CAPN9: variants seen among roughly 807,000 people sequenced by gnomAD.
CAPN9 encodes calpain-9.
CAPN9 carries 81 observed loss-of-function variants against 92.8 expected under a neutral mutation model. That is an observed-to-expected ratio of 0.87 (90% CI 0.73 to 1.05). CAPN9 has a LOEUF of 1.05. Ranked by LOEUF, CAPN9 falls within the 50% of genes least tolerant of loss-of-function variation. The probability of loss-of-function intolerance (pLI) is 0.00; values close to 1 mark genes in which losing one functional copy is unlikely to be tolerated. For missense variants in CAPN9, 848 were observed against 866.2 expected, an observed-to-expected ratio of 0.98 and a Z score of 0.26; for synonymous variants, 304 against 328.0, an observed-to-expected ratio of 0.93 and a Z score of 0.79.
Position 230,767,643 on chromosome 1 carries a change from C to T in CAPN9, c.639C>T (p.Pro213=), listed in dbSNP as rs763721514. ...VAETFQTKEA[P]ENFYEILEKA... ...AGACCTTCCAAACTAAAGAGGCCCC[C>T]GAGAACTTCTATGAGATTCTAGAGA... The change falls in exon 5 of 20, where the codon CCC becomes CCT. Residue 213 remains proline, a synonymous_variant. Transcript: ENST00000271971. 17 of 1,613,800 alleles carry T rather than the reference C, an allele frequency of 1.1e-5. No individual in the cohort carries two copies. Among genetic ancestry groups the T allele is most frequent in the African/African-American group, 2.7e-5 (2 of 74,858 alleles).
intron 1 of CAPN9, among the ~76,000 whole-genome samples, chr1:230,748,259 A>C (rs1386461741): frequency 6.6e-6 from 1 of 152,142 alleles, no homozygotes; most frequent in Non-Finnish European, 1.5e-5. Flanking sequence ...CACCTCTGAC[A>C]GTCTGGAGGT....
At chr1:230,792,398 CAT>C in intron 15 of CAPN9, 26 bp from the exon 16 acceptor site, 3 of 1,603,262 alleles carry the variant, frequency 1.9e-6, no homozygotes, top group Non-Finnish European at 2.6e-6. Flanking sequence ...AAACACTGCT[CAT>C]GTCTCCCTTA....
chr1:230,797,852 A>G (rs28359738), intron 18 of CAPN9, among the ~76,000 whole-genome samples: 1 of 152,126 alleles, frequency 6.6e-6, no homozygotes, highest in Non-Finnish European at 1.5e-5. Context: ...TATGGATTTC[A>G]AGGGCCCTGT....
chr1:230,753,067 A>G (rs1664951834), intron 1 of CAPN9, among the ~76,000 whole-genome samples: 1 of 152,144 alleles, frequency 6.6e-6, no homozygotes. Flanking sequence ...TGTGCTTCCT[A>G]CAGATGAGAG....
chr1:230,770,114 T>A (rs546531765), intron 6 of CAPN9, among the ~76,000 whole-genome samples: 64 of 152,230 alleles, frequency 4.2e-4, no homozygotes, highest in African/African-American at 1.5e-3. Context: ...TACGATTTAT[T>A]GTAAGGCATT....
intron 2 of CAPN9, among the ~76,000 whole-genome samples, chr1:230,756,614 T>A (rs1665242793): frequency 3.3e-5 from 5 of 152,136 alleles, no homozygotes; most frequent in Admixed American, 3.3e-4. Flanking sequence ...CTAAGTGGAT[T>A]TTTTTTCAAC....
chr1:230,754,105 C>T (rs1272669020), intron 1 of CAPN9, among the ~76,000 whole-genome samples: 1 of 150,262 alleles, frequency 6.7e-6, no homozygotes, highest in African/African-American at 2.5e-5. Context: ...AGGGCTGAGG[C>T]AGGCTGGGGG....
intron 9 of CAPN9, among the ~76,000 whole-genome samples, chr1:230,779,855 G>C (rs1667084642): frequency 6.6e-6 from 1 of 151,730 alleles, no homozygotes; most frequent in Non-Finnish European, 1.5e-5. Flanking sequence ...ATACTAAGTG[G>C]AAAAAAAACT....
chr1:230,748,594 A>G (rs1278665154), intron 1 of CAPN9, among the ~76,000 whole-genome samples: 1 of 152,224 alleles, frequency 6.6e-6, no homozygotes, highest in Non-Finnish European at 1.5e-5. Context: ...CCTCACCTGT[A>G]AAATGGGAAC....
intron 6 of CAPN9, among the ~76,000 whole-genome samples, chr1:230,769,581 C>A (rs560680924): frequency 1.3e-5 from 2 of 152,268 alleles, no homozygotes; most frequent in East Asian, 3.9e-4. Flanking sequence ...CACTAGGGAA[C>A]CAAATATATA....
chr1:230,755,414 TA>T lies in CAPN9; in HGVS notation c.283+10del. On this transcript the variant is annotated intron_variant, in intron 2 of 19. Coordinates refer to ENST00000271971, the MANE Select transcript of CAPN9 (RefSeq NM_006615.3). ...TCTGCCAGGGAGAGCTGGGTGAGTG[TA>T]AGTGGATGGAGCATGGCGAGAGGGA... 6.3e-7 allele frequency: 1 copy of T among 1,599,250 alleles called. No individual in the cohort carries two copies. The highest frequency in any genetic ancestry group is 8.5e-7 in the Non-Finnish European group (1 of 1,172,684).
chr1:230,773,563 G>A (rs1471916248), intron 7 of CAPN9, among the ~76,000 whole-genome samples: 1 of 152,156 alleles, frequency 6.6e-6, no homozygotes, highest in African/African-American at 2.4e-5. Context: ...TGATGGGAGG[G>A]GCAGGCGCCA....
chr1:230,793,214 C>T (rs1191109311), intron 17 of CAPN9, among the ~76,000 whole-genome samples: 6 of 152,242 alleles, frequency 3.9e-5, no homozygotes, highest in Non-Finnish European at 5.9e-5. Flanking sequence ...GGCCTCATAG[C>T]CTCTGACCAT....
At chr1:230,779,346 GT>G (rs1225676233) in intron 9 of CAPN9, among the ~76,000 whole-genome samples, 3 of 152,326 alleles carry the variant, frequency 2.0e-5, no homozygotes, top group African/African-American at 4.8e-5. Context: ...TCCATTACAA[GT>G]AATGGAAAGC....
chr1:230,779,167 C>A, intron 9 of CAPN9, 34 bp downstream of exon 9: 1 of 1,603,418 alleles, frequency 6.2e-7, no homozygotes, highest in Non-Finnish European at 8.5e-7. Context: ...CTCTGCCACT[C>A]CCAAGTGTCC....
chr1:230,791,031 T>C (rs28741103), intron 14 of CAPN9, among the ~76,000 whole-genome samples: 2,466 of 152,318 alleles, frequency 0.016, 37 homozygotes, highest in Non-Finnish European at 0.025. Flanking sequence ...TCCAGGTCCA[T>C]CCATGCTGTA....
chr1:230,767,244 C>T (rs1011021164), intron 4 of CAPN9, among the ~76,000 whole-genome samples: 1 of 152,146 alleles, frequency 6.6e-6, no homozygotes, highest in East Asian at 1.9e-4. Flanking sequence ...GCGACTTGGT[C>T]ATTCAGATGG....
Position 230,795,317 on chromosome 1 carries a change from G to A in CAPN9, c.1987+38G>A, listed in dbSNP as rs761930580. The A allele has an allele frequency of 2.4e-6, 3 of 1,266,768 alleles. No individual in the cohort carries two copies. In the South Asian group the frequency reaches 3.6e-5, roughly 15 times the overall value. The allele number at this position is 1,266,768 out of a possible 1,614,324, so 78.5% of individuals were successfully genotyped here. A position where few individuals can be genotyped will look rare whatever the true frequency, so the allele number is the denominator to read the frequency against. On this transcript the variant is annotated intron_variant, in intron 18 of 19. Coordinates refer to ENST00000271971, the MANE Select transcript of CAPN9 (RefSeq NM_006615.3). ...CGAGGCTGAGGGTGCACCTCGGGGT[G>A]GCATCTTCAGTCACCCTCCATGAGC...
intron 1 of CAPN9, among the ~76,000 whole-genome samples, chr1:230,752,010 A>C (rs1005087947): frequency 6.6e-6 from 1 of 152,142 alleles, no homozygotes; most frequent in East Asian, 1.9e-4. Context: ...CCCCTTCCTC[A>C]TGGCCTCCCA....
Sources: allele counts gnomAD v4.1 joint callset (sites outside exome capture counted in the v4.1 genomes callset), GRCh38; gene constraint gnomAD v4.1.1; transcripts MANE v1.5; gene names NCBI Gene and HGNC (gene_info 2026-07-23, HGNC 2026-07-21).